The following ZCWPW2 variants were observed in gnomAD, a reference collection of about 807,000 sequenced individuals.
ZCWPW2 encodes the protein zinc finger CW-type PWWP domain protein 2.
In ZCWPW2, 45 loss-of-function variants were observed where a neutral mutation model predicts 46.6. That is an observed-to-expected ratio of 0.96 (90% CI 0.76 to 1.24). ZCWPW2 has a LOEUF of 1.24. Ranked by LOEUF, ZCWPW2 falls within the 50% of genes most tolerant of loss-of-function variation. The probability of loss-of-function intolerance (pLI) is 0.00; values close to 1 mark genes in which losing one functional copy is unlikely to be tolerated. For missense variants in ZCWPW2, 429 were observed against 403.9 expected (o/e 1.06, Z -0.53); for synonymous variants, 152 against 137.1 (o/e 1.11, Z -0.76).
chr3:28,364,329 T>C (rs1041893155), intron 1 of ZCWPW2, among the ~76,000 whole-genome samples: 3 of 152,190 alleles, frequency 2.0e-5, no homozygotes, highest in Non-Finnish European at 4.4e-5. Flanking sequence ...TCTTTTTTTT[T>C]TTACATCACA....
At chr3:28,414,072 A>C (rs1305940564) in intron 3 of ZCWPW2, among the ~76,000 whole-genome samples, 1 of 152,048 alleles carries the variant, frequency 6.6e-6, no homozygotes. Context: ...GGTTTATTAA[A>C]TTATAACCTA....
At position 28,390,542 on chromosome 3, in the gene ZCWPW2, C is replaced by T; in HGVS notation, c.-89C>T. The T allele has an allele frequency of 3.0e-6, 3 of 985,344 alleles. No homozygotes were observed. In the South Asian group the frequency reaches 1.4e-4, roughly 46 times the overall value. 61.0% of individuals were successfully genotyped at this position (985,344 alleles called of 1,614,324 possible). On this transcript the variant is annotated 5_prime_UTR_variant, in exon 2 of 10. Transcript: ENST00000383768. The stretch of plus-strand genomic sequence containing the variant: ...CTGCCTCTTTAGTGACTACAGACCT[C>T]ACTTCCCTTCTCTGGAGTTTTGGAG...
chr3:28,449,143 A>G (rs1318119576), intron 4 of ZCWPW2, among the ~76,000 whole-genome samples: 1 of 152,144 alleles, frequency 6.6e-6, no homozygotes, highest in Non-Finnish European at 1.5e-5. Flanking sequence ...GGGAAAGGAC[A>G]ATCTTATCAC....
At chr3:28,354,234 C>G (rs1360938910) in intron 1 of ZCWPW2, among the ~76,000 whole-genome samples, 1 of 151,920 alleles carries the variant, frequency 6.6e-6, no homozygotes, top group Admixed American at 6.6e-5. Context: ...CACCTTTAGG[C>G]AAATAAACTA....
chr3:28,375,955 T>C (rs540073566), intron 1 of ZCWPW2, among the ~76,000 whole-genome samples: 1 of 111,332 alleles, frequency 9.0e-6, no homozygotes, highest in Admixed American at 1.0e-4. Flanking sequence ...ATCCATGTTG[T>C]TGCAAATGAT....
intron 1 of ZCWPW2, among the ~76,000 whole-genome samples, chr3:28,390,251 A>G (rs1006923571): frequency 6.6e-6 from 1 of 152,194 alleles, no homozygotes; most frequent in Non-Finnish European, 1.5e-5. Flanking sequence ...ACAAAGAATT[A>G]TTTTTATTAT....
intron 4 of ZCWPW2, among the ~76,000 whole-genome samples, chr3:28,439,041 T>C (rs1224392315): frequency 1.8e-3 from 1 of 566 alleles, no homozygotes; most frequent in African/African-American, 9.8e-3. Flanking sequence ...TCCTAGTATA[T>C]ATCTATGGTG....
At chr3:28,393,026 T>G (rs950333977) in intron 2 of ZCWPW2, among the ~76,000 whole-genome samples, 4 of 151,736 alleles carry the variant, frequency 2.6e-5, no homozygotes, top group African/African-American at 9.7e-5. Flanking sequence ...ACTGGTTTTT[T>G]GAAAGGATAA....
intron 1 of ZCWPW2, among the ~76,000 whole-genome samples, chr3:28,358,110 T>C (rs73046721): frequency 0.068 from 10,299 of 152,054 alleles, 491 homozygotes; most frequent in Non-Finnish European, 0.1. Context: ...GTTCACCTAG[T>C]TTTATGGGTT....
intron 1 of ZCWPW2, among the ~76,000 whole-genome samples, chr3:28,365,662 A>T (rs1386146297): frequency 7.1e-6 from 1 of 140,968 alleles, no homozygotes; most frequent in African/African-American, 2.5e-5. Context: ...ACTTTAAAGT[A>T]GTTTTCTCCA....
At chr3:28,499,376 AT>A (rs1479424378) in intron 6 of ZCWPW2, among the ~76,000 whole-genome samples, 6 of 152,018 alleles carry the variant, frequency 3.9e-5, no homozygotes, top group African/African-American at 1.4e-4. Context: ...TGTGGTTTTG[AT>A]TTGCATTTCT....
At chr3:28,374,344 G>T (rs1705434109) in intron 1 of ZCWPW2, among the ~76,000 whole-genome samples, 1 of 152,064 alleles carries the variant, frequency 6.6e-6, no homozygotes, top group Admixed American at 6.6e-5. Context: ...TGTTTAATTA[G>T]TCTATGGGTC....
At position 28,419,927 on chromosome 3, in the gene ZCWPW2, G is replaced by A. The variant is rs865963953; in HGVS notation, c.332+6527G>A. On this transcript the variant is annotated intron_variant, in intron 3 of 9. Coordinates refer to ENST00000383768, the MANE Select transcript of ZCWPW2 (RefSeq NM_001040432.4). Reference sequence around the variant, plus strand: ...CATCACACACCGGGGACTGTTGTGGGGTGGGGGGAGGGGGGAGGGATAGCA... The same window carrying A: ...CATCACACACCGGGGACTGTTGTGGAGTGGGGGGAGGGGGGAGGGATAGCA... Among the ~76,000 whole-genome samples, 225 of 112,918 alleles carry A rather than the reference G, an allele frequency of 2.0e-3. 1 individual carries two copies. Among genetic ancestry groups the A allele is most frequent in the African/African-American group, 6.9e-3 (202 of 29,356 alleles). 74.1% of individuals were successfully genotyped at this position (112,918 alleles called of 152,430 possible). A position where few individuals can be genotyped will look rare whatever the true frequency, so the allele number is the denominator to read the frequency against.
chr3:28,408,243 C>A (rs183162354), intron 2 of ZCWPW2, among the ~76,000 whole-genome samples: 19 of 152,194 alleles, frequency 1.2e-4, no homozygotes, highest in Admixed American at 1.1e-3. Context: ...ATCTTTTAAT[C>A]CCCTTAACAT....
chr3:28,445,335 T>G (rs1169281099), intron 4 of ZCWPW2, among the ~76,000 whole-genome samples: 1 of 152,078 alleles, frequency 6.6e-6, no homozygotes, highest in Admixed American at 6.6e-5. Flanking sequence ...AAGATACTGA[T>G]GCACTGCAAA....
chr3:28,361,040 G>A (rs1255201273), intron 1 of ZCWPW2, among the ~76,000 whole-genome samples: 1 of 152,014 alleles, frequency 6.6e-6, no homozygotes, highest in African/African-American at 2.4e-5. Flanking sequence ...TTGTGTTTAG[G>A]CTTGGGTCCC....
At chr3:28,422,072 C>T (rs1437913449) in intron 3 of ZCWPW2, among the ~76,000 whole-genome samples, 2 of 151,830 alleles carry the variant, frequency 1.3e-5, no homozygotes, top group Non-Finnish European at 2.9e-5. Flanking sequence ...TTCAGGTTTG[C>T]AGAAAAATTG....
chr3:28,524,415 T>C, intron 9 of ZCWPW2, 112 bp from the exon 10 acceptor site: 1 of 1,081,584 alleles, frequency 9.2e-7, no homozygotes, highest in South Asian at 1.5e-5. Flanking sequence ...AACACTAGAA[T>C]AACAGAAAAG....
At chr3:28,499,598 T>A (rs1001919229) in intron 6 of ZCWPW2, among the ~76,000 whole-genome samples, 1 of 152,174 alleles carries the variant, frequency 6.6e-6, no homozygotes, top group African/African-American at 2.4e-5. Flanking sequence ...ATTCTGTAGG[T>A]TGCCCGTTCA....
Sources: gnomAD v4.1 joint callset for allele counts (sites outside exome capture counted in the v4.1 genomes callset) on GRCh38, gnomAD v4.1.1 for gene constraint, MANE v1.5 for transcripts, NCBI Gene and HGNC (gene_info 2026-07-23, HGNC 2026-07-21) for gene names.